SEPTIN14: variants seen among roughly 807,000 people sequenced by gnomAD.
SEPTIN14 encodes the protein septin-14.
A neutral mutation model predicts 53.6 loss-of-function variants in SEPTIN14; 40 were observed. The ratio of observed to expected loss-of-function variants is 0.75; its 90% confidence interval spans 0.58 to 0.97. The LOEUF (loss-of-function observed/expected upper bound fraction) is 0.97, where lower values mean the gene tolerates loss of function less well. SEPTIN14 is among the 50% of genes least tolerant of loss of function. The pLI is 0.00. For missense variants in SEPTIN14, 471 were observed against 508.2 expected (o/e 0.93, Z 0.70); for synonymous variants, 138 against 166.8 (o/e 0.83, Z 1.33).
chr7:55,798,879 G>C (rs2115947223), intron 9 of SEPTIN14: 1 of 155,176 alleles, frequency 6.4e-6, no homozygotes, highest in East Asian at 1.9e-4. Flanking sequence ...GGGGCGGGCG[G>C]ATCACCTGAG....
chr7:55,846,990 A>G (rs1789427364), intron 2 of SEPTIN14, among the ~76,000 whole-genome samples: 1 of 152,168 alleles, frequency 6.6e-6, no homozygotes, highest in African/African-American at 2.4e-5. Flanking sequence ...GTTCGAGACC[A>G]GCCTGGCCAA....
chr7:55,834,673 C>T (rs1245058805), intron 5 of SEPTIN14, 87 bp from the exon 6 acceptor site: 5 of 1,109,634 alleles, frequency 4.5e-6, no homozygotes, highest in African/African-American at 3.2e-5. Context: ...GACGGAGTCT[C>T]GCTTTGTCGC....
intron 4 of SEPTIN14, 140 bp downstream of exon 4, chr7:55,844,383 T>A (rs1584269511): frequency 2.3e-6 from 1 of 439,914 alleles, no homozygotes; most frequent in South Asian, 9.0e-5. Flanking sequence ...AGTATTAATC[T>A]TATAAGAAAA....
chr7:55,817,020 G>A (rs1425595792), intron 7 of SEPTIN14, among the ~76,000 whole-genome samples: 1 of 151,950 alleles, frequency 6.6e-6, no homozygotes, highest in Non-Finnish European at 1.5e-5. Context: ...TCTCACTACT[G>A]GATACATTAC....
chr7:55,842,736 C>A (rs1183373212), intron 5 of SEPTIN14, among the ~76,000 whole-genome samples: 1 of 151,972 alleles, frequency 6.6e-6, no homozygotes, highest in Non-Finnish European at 1.5e-5. Flanking sequence ...CATGGTGAAA[C>A]CCCATCTCTA....
At chr7:55,858,665 G>A (rs754964380) in intron 2 of SEPTIN14, among the ~76,000 whole-genome samples, 2 of 152,160 alleles carry the variant, frequency 1.3e-5, no homozygotes, top group East Asian at 1.9e-4. Flanking sequence ...TTAGTCGGGC[G>A]TGGTGGCGCA....
intron 4 of SEPTIN14, among the ~76,000 whole-genome samples, 198 bp from the exon 5 acceptor site, chr7:55,843,326 G>A (rs1169605539): frequency 6.6e-6 from 1 of 152,146 alleles, no homozygotes; most frequent in Non-Finnish European, 1.5e-5. Context: ...TATGTAAAAT[G>A]TAAACATAGA....
At chr7:55,804,725 T>A (rs1294037051) in intron 9 of SEPTIN14, among the ~76,000 whole-genome samples, 1 of 152,176 alleles carries the variant, frequency 6.6e-6, no homozygotes, top group Non-Finnish European at 1.5e-5. Context: ...AGAAAGAAAT[T>A]ATGGTTTCAA....
intron 8 of SEPTIN14, among the ~76,000 whole-genome samples, chr7:55,805,729 T>C (rs1253286082): frequency 6.6e-6 from 1 of 152,082 alleles, no homozygotes; most frequent in African/African-American, 2.4e-5. Context: ...ATGTAAAGAA[T>C]ACTAGAATTT....
intron 7 of SEPTIN14, among the ~76,000 whole-genome samples, chr7:55,809,924 C>T (rs1408908005): frequency 6.7e-6 from 1 of 150,362 alleles, no homozygotes; most frequent in Admixed American, 6.6e-5. Flanking sequence ...GCTCTGCCTC[C>T]TGGGTTCACG....
chr7:55,833,533 C>A (rs1468208020), intron 6 of SEPTIN14, among the ~76,000 whole-genome samples: 1 of 151,944 alleles, frequency 6.6e-6, no homozygotes, highest in Non-Finnish European at 1.5e-5. Flanking sequence ...CATGGTGAAA[C>A]CCTGTCTGTA....
intron 2 of SEPTIN14, among the ~76,000 whole-genome samples, chr7:55,860,539 A>C (rs1056749608): frequency 1.3e-5 from 2 of 152,186 alleles, no homozygotes; most frequent in African/African-American, 2.4e-5. Flanking sequence ...GGGATTTGAA[A>C]TGTTCCCAAA....
chr7:55,833,544 C>A (rs1789149616), intron 6 of SEPTIN14, among the ~76,000 whole-genome samples: 1 of 151,712 alleles, frequency 6.6e-6, no homozygotes, highest in Non-Finnish European at 1.5e-5. Flanking sequence ...CCTGTCTGTA[C>A]TAAAAACACA....
At chr7:55,800,136 C>T (rs774605661) in intron 9 of SEPTIN14, among the ~76,000 whole-genome samples, 6 of 151,838 alleles carry the variant, frequency 4.0e-5, no homozygotes, top group Non-Finnish European at 7.4e-5. Context: ...CCTAACTGTC[C>T]ACAACAGATG....
chr7:55,839,798 A>G (rs1170705847), intron 5 of SEPTIN14, among the ~76,000 whole-genome samples: 1 of 152,136 alleles, frequency 6.6e-6, no homozygotes, highest in Non-Finnish European at 1.5e-5. Context: ...TCAACCCCCC[A>G]GTACCTCAGA....
At chr7:55,832,013 C>T (rs1180900678) in intron 6 of SEPTIN14, among the ~76,000 whole-genome samples, 1 of 152,090 alleles carries the variant, frequency 6.6e-6, no homozygotes, top group Non-Finnish European at 1.5e-5. Context: ...ACCAGCCTGA[C>T]CAATATGGTT....
intron 5 of SEPTIN14, among the ~76,000 whole-genome samples, chr7:55,837,631 T>G (rs1789234735): frequency 6.6e-6 from 1 of 152,056 alleles, no homozygotes; most frequent in East Asian, 1.9e-4. Context: ...TTGCCCAGGC[T>G]GAAGTGCAAT....
At chr7:55,807,396 T>A in intron 7 of SEPTIN14, 138 bp from the exon 8 acceptor site, 1 of 580,094 alleles carries the variant, frequency 1.7e-6, no homozygotes, top group Non-Finnish European at 2.9e-6. Context: ...TAGCTATAAT[T>A]CTTTTAAGCA....
chr7:55,803,096 T>A (rs1352736989), intron 9 of SEPTIN14, among the ~76,000 whole-genome samples: 1 of 151,952 alleles, frequency 6.6e-6, no homozygotes, highest in Non-Finnish European at 1.5e-5. Flanking sequence ...TGCCACCACA[T>A]CTGGCTAATT....
Sources: allele counts gnomAD v4.1 joint callset (sites outside exome capture counted in the v4.1 genomes callset), GRCh38; gene constraint gnomAD v4.1.1; transcripts MANE v1.5; gene names NCBI Gene and HGNC (gene_info 2026-07-23, HGNC 2026-07-21).